Variants in NEK1 observed in about 807,000 individuals in gnomAD.
NEK1 encodes the protein NIMA related kinase 1.
Under a neutral mutation model 182.1 loss-of-function variants are expected in NEK1, and 137 were observed. The observed-to-expected ratio is 0.75, with a 90% CI of 0.65 to 0.87. The LOEUF (loss-of-function observed/expected upper bound fraction) is 0.87. Among genes scored for constraint, NEK1 ranks in the 40% least tolerant of loss-of-function variants. The probability of loss-of-function intolerance (pLI) is 0.00; values close to 1 mark genes in which losing one functional copy is unlikely to be tolerated. For synonymous variants in NEK1, 513 were observed against 492.2 expected, an observed-to-expected ratio of 1.04 and a Z score of -0.56; for missense variants, 1,391 against 1,494.4, an observed-to-expected ratio of 0.93 and a Z score of 1.14.
intron 27 of NEK1, among the ~76,000 whole-genome samples, chr4:169,457,183 T>C (rs749729952): frequency 6.6e-5 from 10 of 152,172 alleles, no homozygotes; most frequent in African/African-American, 9.7e-5. Context: ...AAGAATAATA[T>C]ATTGTGCATT....
chr4:169,595,609 C>T (rs1290886591), intron 5 of NEK1, among the ~76,000 whole-genome samples: 1 of 152,080 alleles, frequency 6.6e-6, no homozygotes, highest in East Asian at 1.9e-4. Context: ...TCAGTTATGA[C>T]AAACCTACTA....
chr4:169,582,056 A>G (rs568610951), intron 10 of NEK1, among the ~76,000 whole-genome samples: 4 of 152,232 alleles, frequency 2.6e-5, no homozygotes, highest in African/African-American at 7.2e-5. Flanking sequence ...TCCTTACTCC[A>G]TATTTTTCTC....
chr4:169,414,027 G>A (rs1734101693), intron 31 of NEK1, among the ~76,000 whole-genome samples: 3 of 152,042 alleles, frequency 2.0e-5, no homozygotes, highest in Admixed American at 2.0e-4. Context: ...AACAAAAACA[G>A]TATTTGTCAC....
At chr4:169,482,873 G>C (rs1415612691) in intron 23 of NEK1, among the ~76,000 whole-genome samples, 4 of 152,148 alleles carry the variant, frequency 2.6e-5, no homozygotes, top group Non-Finnish European at 5.9e-5. Flanking sequence ...CTGATCTCAT[G>C]ATCCACCTGC....
Position 169,562,126 on chromosome 4 carries a change from T to C in NEK1, c.1080+11A>G. On this transcript the variant is annotated intron_variant, in intron 13 of 35. Transcript: ENST00000507142. ...CAAAGCTTTAAAATAACCAGACAGA[T>C]GTCTTTATACCTCAGATATTTTCCT... is the stretch of plus-strand genomic sequence containing the variant. The C allele has an allele frequency of 4.6e-6, 7 of 1,506,426 alleles. No individual in the cohort carries two copies. Among genetic ancestry groups the C allele is most frequent in the South Asian group, 1.3e-5 (1 of 78,724 alleles). 93.3% of individuals were successfully genotyped at this position (1,506,426 alleles called of 1,614,324 possible).
chr4:169,522,953 C>T (rs1343126434), intron 19 of NEK1, among the ~76,000 whole-genome samples: 1 of 152,130 alleles, frequency 6.6e-6, no homozygotes, highest in East Asian at 1.9e-4. Flanking sequence ...GACAGAAAAC[C>T]CAGAGAACCC....
intron 19 of NEK1, among the ~76,000 whole-genome samples, chr4:169,532,145 TG>T: frequency 6.6e-6 from 1 of 152,146 alleles, no homozygotes; most frequent in Non-Finnish European, 1.5e-5. Context: ...AGGGGGGCAA[TG>T]GAACAGTTTA....
intron 4 of NEK1, among the ~76,000 whole-genome samples, chr4:169,601,094 T>A (rs1053535631): frequency 1.3e-5 from 2 of 152,206 alleles, no homozygotes; most frequent in Non-Finnish European, 2.9e-5. Flanking sequence ...GAAATATAAA[T>A]CTTCATTTCA....
At chr4:169,534,315 AC>A (rs753149754) in intron 19 of NEK1, among the ~76,000 whole-genome samples, 10 of 152,174 alleles carry the variant, frequency 6.6e-5, no homozygotes, top group Non-Finnish European at 1.5e-4. Flanking sequence ...ACAGCTGCCC[AC>A]CTTACTGACT....
Position 169,426,185 on chromosome 4 carries a change from C to T in NEK1, c.2935G>A (p.Val979Ile), listed in dbSNP as rs755927176. The change falls in exon 30 of 36, where the codon GTC (valine) becomes ATC (isoleucine). Residue 979 changes from valine to isoleucine, a missense_variant. This residue lies in a region of NEK1 where 1,216 missense variants were observed against 1,277.6 expected (regional missense o/e 0.95). Coordinates refer to ENST00000507142, the MANE Select transcript of NEK1 (RefSeq NM_001199397.3). ...CTAAGTTGGTCCACAGTACTCGAGA[C>T]TCCATCTTCAGAAACTTCATTTTCC... ...IQENEVSEDG[V>I]SSTVDQLSDI... is the part of the protein sequence containing the mutation. The T allele has an allele frequency of 1.9e-6, 3 of 1,613,764 alleles. No homozygotes were observed. The highest frequency in any genetic ancestry group is 4.5e-5 in the East Asian group (2 of 44,870).
intron 27 of NEK1, among the ~76,000 whole-genome samples, chr4:169,453,802 T>C (rs539903486): frequency 6.6e-6 from 1 of 152,352 alleles, no homozygotes; most frequent in East Asian, 1.9e-4. Flanking sequence ...TAAATCTCTG[T>C]TCGGGGCTCT....
rs1581002483 is a variant in NEK1, at chr4:169,589,495, T to C, written c.416A>G (p.Asp139Gly). 1 of 1,506,088 alleles carries C rather than the reference T, an allele frequency of 6.6e-7. No homozygotes were observed. Among genetic ancestry groups the C allele is most frequent in the Non-Finnish European group, 9.0e-7 (1 of 1,113,382 alleles). The allele number at this position is 1,506,088 out of a possible 1,614,324, so 93.3% of individuals were successfully genotyped here. Residue 139 changes from aspartate (D) to glycine (G), a missense_variant, in exon 7 of 36, where the codon GAT (aspartate) becomes GGT (glycine). By Grantham distance (94) the Asp-to-Gly change is moderately conservative (BLOSUM62 -1). Transcript: ENST00000507142. Reference protein sequence around the residue: ...IKSQNIFLTKDGTVQLGDFGI... With the variant: ...IKSQNIFLTKGGTVQLGDFGI... ...AAAATCTCCAAGTTGTACTGTTCCA[T>C]CTTTAGTTAAAAATATGTTCTGTAA...
At chr4:169,580,959 C>A in intron 10 of NEK1, 57 bp from the exon 11 acceptor site, 2 of 955,804 alleles carry the variant, frequency 2.1e-6, no homozygotes, top group South Asian at 1.7e-5. Context: ...AATAAAAAAC[C>A]TACCCATTAA....
chr4:169,544,669 T>C (rs767815790), intron 18 of NEK1, among the ~76,000 whole-genome samples: 10 of 149,418 alleles, frequency 6.7e-5, no homozygotes, highest in African/African-American at 9.9e-5. Context: ...GAACTTGTTA[T>C]TGGTCTATTC....
intron 19 of NEK1, among the ~76,000 whole-genome samples, chr4:169,518,343 G>T (rs1755463448): frequency 9.2e-6 from 1 of 109,276 alleles, no homozygotes; most frequent in Non-Finnish European, 1.8e-5. Context: ...TGTGGGATCG[G>T]TGGTGATATC....
chr4:169,563,344 G>A (rs764312296), intron 12 of NEK1, among the ~76,000 whole-genome samples: 4 of 151,384 alleles, frequency 2.6e-5, no homozygotes, highest in African/African-American at 7.3e-5. Flanking sequence ...CTGACAGAGC[G>A]AGATCCTGTC....
chr4:169,399,579 A>G (rs201907313), intron 35 of NEK1, among the ~76,000 whole-genome samples: 1 of 105,278 alleles, frequency 9.5e-6, no homozygotes, highest in African/African-American at 3.2e-5. Context: ...CTCAAAAAAA[A>G]CAAAAAAAAA....
chr4:169,448,733 G>A (rs927950930), intron 27 of NEK1, among the ~76,000 whole-genome samples: 4 of 152,212 alleles, frequency 2.6e-5, no homozygotes, highest in South Asian at 2.1e-4. Context: ...AGCTTCCAGC[G>A]TGCTTGATGG....
intron 26 of NEK1, among the ~76,000 whole-genome samples, chr4:169,473,261 A>C (rs895978590): frequency 2.6e-4 from 40 of 152,018 alleles, no homozygotes; most frequent in African/African-American, 9.2e-4. Context: ...AAAAAAAAAA[A>C]ACTGCATATT....
Sources: gnomAD v4.1 joint callset for allele counts (sites outside exome capture counted in the v4.1 genomes callset) on GRCh38, gnomAD v4.1.1 for gene constraint, gnomAD v4.1.1 regional missense constraint, MANE v1.5 for transcripts, NCBI Gene and HGNC (gene_info 2026-07-23, HGNC 2026-07-21) for gene names.